The following DMD variants were observed in gnomAD, a reference collection of about 807,000 sequenced individuals.
DMD encodes the protein dystrophin, also known as mutant dystrophin.
A neutral mutation model predicts 330.1 loss-of-function variants in DMD; 63 were observed. The observed-to-expected ratio is 0.19, with a 90% CI of 0.16 to 0.24. DMD has a LOEUF of 0.24. DMD is among the 10% of genes least tolerant of loss of function. The pLI is 1.00. For synonymous variants in DMD, 1,223 were observed against 959.8 expected (o/e 1.27, Z -5.07); for missense variants, 3,344 against 2,684.1 (o/e 1.25, Z -5.43).
intron 1 of DMD, among the ~76,000 whole-genome samples, chrX:33,302,894 T>G (rs1227507525): frequency 1.8e-5 from 2 of 111,740 alleles, no homozygotes; most frequent in South Asian, 7.4e-4. Flanking sequence ...TACAGAGAAT[T>G]TCCCTGTCCT....
intron 2 of DMD, among the ~76,000 whole-genome samples, chrX:32,930,234 G>T (rs922201551): frequency 1.8e-5 from 2 of 110,836 alleles, no homozygotes; most frequent in Admixed American, 1.9e-4. Context: ...AGTTGTATAG[G>T]TCCTCAAAGT....
rs62590719 is a variant in DMD, at chrX:32,392,869, G to A, written c.4234-2688C>T. 2.7e-3 allele frequency among the ~76,000 whole-genome samples: 302 copies of A among 112,689 alleles called. 2 individuals are homozygous for A. The highest frequency in any genetic ancestry group is 4.6e-3 in the Middle Eastern group (1 of 219). ...CGAAAGGCCATGGATAAGTGCTTCAGCAACAATCACAACAAGGCTTTCAGC... is the reference window on the plus strand; with the variant it reads ...CGAAAGGCCATGGATAAGTGCTTCAACAACAATCACAACAAGGCTTTCAGC... On this transcript the variant is annotated intron_variant, in intron 30 of 78. Transcript: ENST00000357033.
At chrX:32,835,063 G>C (rs2079496560) in intron 4 of DMD, among the ~76,000 whole-genome samples, 1 of 111,422 alleles carries the variant, frequency 9.0e-6, no homozygotes, top group South Asian at 3.7e-4. Context: ...CATTAAACTA[G>C]ACACAAAATT....
At chrX:31,424,281 A>G (rs1298108233) in intron 60 of DMD, among the ~76,000 whole-genome samples, 2 of 111,283 alleles carry the variant, frequency 1.8e-5, no homozygotes, top group African/African-American at 6.5e-5. Context: ...TATCCACACC[A>G]TTTTCCCCCA....
intron 47 of DMD, among the ~76,000 whole-genome samples, chrX:31,925,980 CAG>C (rs2094769870): frequency 9.1e-6 from 1 of 109,983 alleles, no homozygotes; most frequent in Non-Finnish European, 1.9e-5. Flanking sequence ...GTGAGAAACA[CAG>C]AGGAAGAGAG....
chrX:32,762,839 A>T (rs750178097), intron 7 of DMD, among the ~76,000 whole-genome samples: 1 of 111,494 alleles, frequency 9.0e-6, no homozygotes, highest in African/African-American at 3.3e-5. Context: ...GGAACACATG[A>T]CCTAATTAAT....
At chrX:32,078,012 C>G (rs1230362522) in intron 44 of DMD, among the ~76,000 whole-genome samples, 1 of 110,803 alleles carries the variant, frequency 9.0e-6, no homozygotes, top group East Asian at 2.8e-4. Flanking sequence ...TCCTGGAGGT[C>G]TCTAGCGCCA....
chrX:32,586,310 A>T lies in DMD; in HGVS notation c.1602+9447T>A, dbSNP rs149805586. On this transcript the variant is annotated intron_variant, in intron 13 of 78. Transcript: ENST00000357033. Reference sequence around the variant, plus strand: ...ATATACTAATGCAATCGAGTGTGACAGGTGTTAATATATATATACTGCTTA... The same window carrying T: ...ATATACTAATGCAATCGAGTGTGACTGGTGTTAATATATATATACTGCTTA... Among the ~76,000 whole-genome samples the T allele has an allele frequency of 7.5e-3, 822 of 109,573 alleles. 6 individuals are homozygous for T. The highest frequency in any genetic ancestry group is 0.026 in the African/African-American group (786 of 30,087).
intron 60 of DMD, among the ~76,000 whole-genome samples, chrX:31,433,535 C>T (rs1259074848): frequency 9.3e-6 from 1 of 107,561 alleles, no homozygotes; most frequent in African/African-American, 3.4e-5. Context: ...CGGCTCACTG[C>T]AACCTCCGCC....
chrX:31,567,117 T>G (rs2075508992), intron 55 of DMD, among the ~76,000 whole-genome samples: 1 of 111,909 alleles, frequency 8.9e-6, no homozygotes, highest in Admixed American at 9.5e-5. Flanking sequence ...TTTGTTTTTG[T>G]AGAATATTTG....
intron 43 of DMD, among the ~76,000 whole-genome samples, chrX:32,229,223 G>T (rs73219271): frequency 9.1e-6 from 1 of 110,369 alleles, no homozygotes. Context: ...TTACACTCAC[G>T]TGTTTCTGAT....
At chrX:33,280,381 G>T (rs1484274972) in intron 1 of DMD, among the ~76,000 whole-genome samples, 2 of 112,168 alleles carry the variant, frequency 1.8e-5, no homozygotes, top group African/African-American at 6.5e-5. Context: ...CGACTTTGGT[G>T]TCAAGTCTAA....
rs59819425 is a variant in DMD, at chrX:31,342,421, T to C, written c.9163+6135A>G. Among the ~76,000 whole-genome samples the C allele has an allele frequency of 7.1e-5, 8 of 112,054 alleles. No individual in the cohort carries two copies. In the East Asian group the frequency reaches 2.0e-3, roughly 27 times the overall value. ...ACAGTCACCTAAAACTGGAGAACTA[T>C]AGACTCCTTATCCTCTTAGAGTCTC... On this transcript the variant is annotated intron_variant, in intron 61 of 78. Transcript: ENST00000357033.
intron 57 of DMD, among the ~76,000 whole-genome samples, chrX:31,487,260 CA>C (rs2068876774): frequency 1.8e-5 from 2 of 108,593 alleles, no homozygotes; most frequent in East Asian, 2.9e-4. Context: ...CCTGTTAACA[CA>C]TTTTTTTTTT....
intron 7 of DMD, among the ~76,000 whole-genome samples, chrX:32,765,261 G>C (rs1195730167): frequency 9.0e-6 from 1 of 110,533 alleles, no homozygotes; most frequent in Non-Finnish European, 1.9e-5. Context: ...TGGATCACTG[G>C]GGCAAATTTC....
chrX:32,541,802 C>G lies in DMD; in HGVS notation c.2168+3357G>C, dbSNP rs228359. 5.0e-5 allele frequency among the ~76,000 whole-genome samples: 4 copies of G among 79,691 alleles called. No individual in the cohort carries two copies. The South Asian group carries it at 1.7e-3, about 34-fold the overall frequency. 69.2% of individuals were successfully genotyped at this position (79,691 alleles called of 115,157 possible). ...TACACGTTAACCCCTTGAACCTAAA[C>G]TAAAAGTTGGGAAAAAAAAAAAGGG... On this transcript the variant is annotated intron_variant, in intron 17 of 78. Coordinates refer to ENST00000357033, the MANE Select transcript of DMD (RefSeq NM_004006.3).
chrX:31,748,766 A>G (rs2088091987), intron 51 of DMD, among the ~76,000 whole-genome samples: 1 of 111,781 alleles, frequency 8.9e-6, no homozygotes, highest in Non-Finnish European at 1.9e-5. Context: ...ACCACCCCTC[A>G]ATGGTTCTGT....
chrX:33,121,596 A>T (rs1603308989), intron 1 of DMD, among the ~76,000 whole-genome samples: 3 of 111,944 alleles, frequency 2.7e-5, no homozygotes, highest in Admixed American at 9.5e-5. Flanking sequence ...GAACCACAAA[A>T]GCTACTTACG....
intron 1 of DMD, 157 bp from the exon 2 acceptor site, chrX:33,020,357 TTG>T (rs1436097247): frequency 2.3e-6 from 1 of 435,750 alleles, no homozygotes; most frequent in African/African-American, 2.5e-5. Flanking sequence ...TGATGCTGGT[TTG>T]GGGCATCCAA....
Sources: allele counts gnomAD v4.1 joint callset (sites outside exome capture counted in the v4.1 genomes callset), GRCh38; gene constraint gnomAD v4.1.1; transcripts MANE v1.5; gene names NCBI Gene and HGNC (gene_info 2026-07-23, HGNC 2026-07-21).